Variants in TSHZ2 observed in about 807,000 individuals in gnomAD.
TSHZ2 encodes teashirt homolog 2.
A neutral mutation model predicts 74.4 loss-of-function variants in TSHZ2; 21 were observed. The ratio of observed to expected loss-of-function variants is 0.28; its 90% CI spans 0.20 to 0.41. The LOEUF (loss-of-function observed/expected upper bound fraction) is 0.41, where lower values mean the gene tolerates loss of function less well. Ranked by LOEUF, TSHZ2 falls within the 10% of genes least tolerant of loss-of-function variation. The probability of loss-of-function intolerance (pLI) is 1.00; values close to 1 mark genes in which losing one functional copy is unlikely to be tolerated. For missense variants in TSHZ2, 1,244 were observed against 1,293.5 expected, an observed-to-expected ratio of 0.96 and a Z score of 0.59; for synonymous variants, 540 against 515.3, an observed-to-expected ratio of 1.05 and a Z score of -0.65.
chr20:53,054,986 C>G (rs1275455987), intron 1 of TSHZ2, among the ~76,000 whole-genome samples: 9 of 152,220 alleles, frequency 5.9e-5, no homozygotes, highest in African/African-American at 1.7e-4. Flanking sequence ...TCAAGGGAAG[C>G]CAGAAATCCA....
intron 1 of TSHZ2, among the ~76,000 whole-genome samples, chr20:52,985,225 T>A (rs531051219): frequency 6.6e-6 from 1 of 152,300 alleles, no homozygotes; most frequent in East Asian, 1.9e-4. Context: ...GATTATTTCA[T>A]CTCGGTGCGA....
intron 2 of TSHZ2, among the ~76,000 whole-genome samples, chr20:53,409,218 T>C (rs1982956967): frequency 6.6e-6 from 1 of 151,536 alleles, no homozygotes; most frequent in Admixed American, 6.6e-5. Context: ...GCATTTATGT[T>C]AAATCAATAA....
chr20:53,146,048 C>G (rs1987532092), intron 1 of TSHZ2, among the ~76,000 whole-genome samples: 1 of 152,064 alleles, frequency 6.6e-6, no homozygotes, highest in Non-Finnish European at 1.5e-5. Context: ...ATATATTGGT[C>G]TAGGCAAGAG....
chr20:53,456,387 C>T (rs375175598), intron 2 of TSHZ2, among the ~76,000 whole-genome samples: 17 of 148,316 alleles, frequency 1.1e-4, no homozygotes, highest in Non-Finnish European at 1.9e-4. Flanking sequence ...TCATGTCCTT[C>T]GCCCACTTTT....
chr20:53,459,592 C>T (rs1276400861), intron 2 of TSHZ2, among the ~76,000 whole-genome samples: 1 of 142,428 alleles, frequency 7.0e-6, no homozygotes, highest in Admixed American at 7.2e-5. Context: ...GAATTTTATC[C>T]TGTCATTATG....
chr20:53,244,932 A>G (rs550305821), intron 1 of TSHZ2, among the ~76,000 whole-genome samples: 24 of 152,212 alleles, frequency 1.6e-4, no homozygotes, highest in Non-Finnish European at 2.8e-4. Flanking sequence ...TGGATGACAC[A>G]TAAACAAAGC....
rs980103136 is a variant in TSHZ2, at chr20:53,487,839, G to A, written c.*704G>A. On this transcript the variant is annotated 3_prime_UTR_variant, in exon 3 of 3. Transcript: ENST00000371497. ...TCAAATAGTTAAGCTTAACCATGTTGCTGCCAAAGACTTTTCCTATGCAGT... is the reference window on the plus strand; with the variant it reads ...TCAAATAGTTAAGCTTAACCATGTTACTGCCAAAGACTTTTCCTATGCAGT... The A allele has an allele frequency of 1.3e-5, 2 of 152,182 alleles. No homozygotes were observed. Among genetic ancestry groups the A allele is most frequent in the African/African-American group, 4.8e-5 (2 of 41,442 alleles). The allele number at this position is 152,182 out of a possible 1,614,324, so 9.4% of individuals were successfully genotyped here. A position where few individuals can be genotyped will look rare whatever the true frequency, so the allele number is the denominator to read the frequency against.
intron 1 of TSHZ2, among the ~76,000 whole-genome samples, chr20:53,119,600 A>G (rs1986757799): frequency 6.6e-6 from 1 of 152,250 alleles, no homozygotes; most frequent in Non-Finnish European, 1.5e-5. Context: ...CACATAGACT[A>G]TCAAGATGTA....
intron 1 of TSHZ2, among the ~76,000 whole-genome samples, chr20:53,189,921 G>A (rs574539588): frequency 2.4e-4 from 36 of 150,010 alleles, no homozygotes; most frequent in Middle Eastern, 3.4e-3. Flanking sequence ...TCATGTCTAC[G>A]AAAAATACAA....
intron 1 of TSHZ2, among the ~76,000 whole-genome samples, chr20:53,240,721 T>TGATAGATAGATA (rs11468792): frequency 0.057 from 8,225 of 145,034 alleles, 251 homozygotes; most frequent in East Asian, 0.064. Context: ...GATAGATAGA[T>TGATAGATAGATA]GATAGATAGA....
In TSHZ2 at chr20:53,229,485, T is replaced by C. The variant is rs114266774; in HGVS notation, c.41-24014T>C. ...GCCTATTAAATTGTGTGATCGTATTTAATTAATATCAGCCTTGCCTGCAAA... is the reference window on the plus strand; with the variant it reads ...GCCTATTAAATTGTGTGATCGTATTCAATTAATATCAGCCTTGCCTGCAAA... On this transcript the variant is annotated intron_variant, in intron 1 of 2. Transcript: ENST00000371497. Among the ~76,000 whole-genome samples, 1,218 of 152,334 alleles carry C rather than the reference T, an allele frequency of 8.0e-3. 10 individuals carry two copies. Among genetic ancestry groups the C allele is most frequent in the African/African-American group, 0.028 (1,165 of 41,572 alleles).
intron 1 of TSHZ2, among the ~76,000 whole-genome samples, 166 bp from the exon 2 acceptor site, chr20:53,253,333 C>T (rs1990370780): frequency 1.4e-5 from 2 of 147,314 alleles, no homozygotes; most frequent in South Asian, 4.3e-4. Context: ...CTAGATGGCA[C>T]GAAAGACACC....
At chr20:53,040,165 G>T (rs1983985649) in intron 1 of TSHZ2, among the ~76,000 whole-genome samples, 1 of 152,168 alleles carries the variant, frequency 6.6e-6, no homozygotes, top group African/African-American at 2.4e-5. Flanking sequence ...AGTGGTGGTG[G>T]GGTAAAGCAA....
chr20:53,325,204 A>G (rs1400768294), intron 2 of TSHZ2, among the ~76,000 whole-genome samples: 1 of 152,170 alleles, frequency 6.6e-6, no homozygotes. Flanking sequence ...CCCTGAGTTG[A>G]GATCTCCAGC....
Position 53,023,612 on chromosome 20 carries a change from G to GT in TSHZ2, c.40+50285dup, listed in dbSNP as rs1226080703. Among the ~76,000 whole-genome samples the GT allele has an allele frequency of 1.2e-4, 6 of 50,630 alleles. 1 individual carries two copies. The South Asian group carries it at 4.1e-3, about 35-fold the overall frequency. The allele number at this position is 50,630 out of a possible 152,430, so 33.2% of individuals were successfully genotyped here. A position where few individuals can be genotyped will look rare whatever the true frequency, so the allele number is the denominator to read the frequency against. On this transcript the variant is annotated intron_variant, in intron 1 of 2. Coordinates refer to ENST00000371497, the MANE Select transcript of TSHZ2 (RefSeq NM_173485.6). Reference sequence around the variant, plus strand: ...TAGTTTCAGTATTGTGCTTTAACTCGTTTTTTGTTTTTTTTTTTGCTTTTT... The same window carrying GT: ...TAGTTTCAGTATTGTGCTTTAACTCGTTTTTTTGTTTTTTTTTTTGCTTTTT...
rs569199399 is a variant in TSHZ2, at chr20:53,111,076, C to A, written c.40+137743C>A. On this transcript the variant is annotated intron_variant, in intron 1 of 2. Coordinates refer to ENST00000371497, the MANE Select transcript of TSHZ2 (RefSeq NM_173485.6). ...GGAAAGAGGAAGAAAAATGAGGAGC[C>A]CAGGCAGGAGATAAAGATTCAAGAA... 2.0e-5 allele frequency among the ~76,000 whole-genome samples: 3 copies of A among 152,008 alleles called. No homozygotes were observed. The South Asian group carries it at 6.3e-4, about 32-fold the overall frequency.
intron 1 of TSHZ2, among the ~76,000 whole-genome samples, chr20:53,078,962 G>A (rs1439308293): frequency 6.6e-6 from 1 of 152,166 alleles, no homozygotes; most frequent in East Asian, 1.9e-4. Flanking sequence ...CTAGCAAATA[G>A]AACATAATGA....
At chr20:53,323,557 G>A (rs1979360704) in intron 2 of TSHZ2, among the ~76,000 whole-genome samples, 2 of 130,836 alleles carry the variant, frequency 1.5e-5, no homozygotes, top group Admixed American at 7.6e-5. Context: ...TCATTGCCTT[G>A]GAGGGCTTTT....
chr20:53,237,197 G>A (rs1989960628), intron 1 of TSHZ2, among the ~76,000 whole-genome samples: 1 of 152,286 alleles, frequency 6.6e-6, no homozygotes, highest in South Asian at 2.1e-4. Flanking sequence ...AGCAAACAGG[G>A]TTCTTATGAA....
Sources: allele counts gnomAD v4.1 joint callset (sites outside exome capture counted in the v4.1 genomes callset), GRCh38; gene constraint gnomAD v4.1.1; transcripts MANE v1.5; gene names NCBI Gene and HGNC (gene_info 2026-07-23, HGNC 2026-07-21).